VIPR2: variants seen among roughly 807,000 people sequenced by gnomAD.
VIPR2 encodes the protein vasoactive intestinal polypeptide receptor 2.
In VIPR2, 48 loss-of-function variants were observed where a neutral mutation model predicts 58.0. The ratio of observed to expected loss-of-function variants is 0.83; its 90% CI spans 0.66 to 1.05. The LOEUF (loss-of-function observed/expected upper bound fraction) is 1.05, where lower values mean the gene tolerates loss of function less well. Ranked by LOEUF, VIPR2 falls within the 50% of genes least tolerant of loss-of-function variation. VIPR2 has a pLI of 0.00. For synonymous variants in VIPR2, 243 were observed against 235.2 expected (o/e 1.03, Z -0.30); for missense variants, 534 against 558.0 (o/e 0.96, Z 0.43).
intron 4 of VIPR2, among the ~76,000 whole-genome samples, chr7:159,062,315 T>G (rs1855731390): frequency 6.6e-6 from 1 of 152,084 alleles, no homozygotes; most frequent in South Asian, 2.1e-4. Context: ...AATTCGTGGG[T>G]TTTTGGTCTC....
chr7:159,142,257 G>T (rs1018226041), intron 2 of VIPR2, among the ~76,000 whole-genome samples, 189 bp downstream of exon 2: 1 of 152,104 alleles, frequency 6.6e-6, no homozygotes, highest in Non-Finnish European at 1.5e-5. Context: ...AAAGGTGTGT[G>T]TGAAGACCCT....
At chr7:159,094,729 G>T (rs1010834894) in intron 4 of VIPR2, among the ~76,000 whole-genome samples, 1 of 152,214 alleles carries the variant, frequency 6.6e-6, no homozygotes, top group African/African-American at 2.4e-5. Context: ...ACTCCATGCC[G>T]TGCCACACAC....
rs1479400051 is a variant in VIPR2 at position 159,031,636 on chromosome 7, G to A, written c.1143+192C>T. 1.0e-6 allele frequency: 1 copy of A among 985,326 alleles called. No individual in the cohort carries two copies. The highest frequency in any genetic ancestry group is 1.2e-6 in the Non-Finnish European group (1 of 829,946). The allele number at this position is 985,326 out of a possible 1,614,324, so 61.0% of individuals were successfully genotyped here. On this transcript the variant is annotated intron_variant, in intron 12 of 12. Coordinates refer to ENST00000262178, the MANE Select transcript of VIPR2 (RefSeq NM_003382.5). The surrounding 1 kb of genome is among the most constrained non-coding windows in gnomAD (Gnocchi z 4.0). ...GACGGAAGGACGGCGGGGTTTGGAAGCTGGGCCCAGAAGAGTGGGTTTGCC... is the reference window on the plus strand; with the variant it reads ...GACGGAAGGACGGCGGGGTTTGGAAACTGGGCCCAGAAGAGTGGGTTTGCC...
intron 2 of VIPR2, among the ~76,000 whole-genome samples, chr7:159,114,856 G>A (rs568989218): frequency 9.2e-5 from 14 of 151,886 alleles, no homozygotes; most frequent in South Asian, 2.1e-4. Flanking sequence ...GGGAGGGAGC[G>A]GGGAGGGAAG....
Position 159,139,755 on chromosome 7 carries a change from C to A in VIPR2, c.151+2691G>T, listed in dbSNP as rs539301095. Among the ~76,000 whole-genome samples the A allele has an allele frequency of 8.5e-5, 13 of 152,346 alleles. No homozygotes were observed. The South Asian group carries it at 2.7e-3, about 32-fold the overall frequency. On this transcript the variant is annotated intron_variant, in intron 2 of 12. Coordinates refer to ENST00000262178, the MANE Select transcript of VIPR2 (RefSeq NM_003382.5). Reference sequence around the variant, plus strand: ...CTGCTTCTCCCCAGAGGAGGTCACACCCCTCCAGACGCGGGTGTAAGAATG... The same window carrying A: ...CTGCTTCTCCCCAGAGGAGGTCACAACCCTCCAGACGCGGGTGTAAGAATG...
chr7:159,038,171 G>C (rs1854091225), intron 6 of VIPR2, among the ~76,000 whole-genome samples: 1 of 152,102 alleles, frequency 6.6e-6, no homozygotes, highest in Non-Finnish European at 1.5e-5. Flanking sequence ...GAGCCCTGCA[G>C]GCTGTCCCTG....
rs747914292 is a variant in VIPR2 at position 159,135,004 on chromosome 7, G to GTTTTTTTTT, written c.151+7433_151+7441dup. On this transcript the variant is annotated intron_variant, in intron 2 of 12. Transcript: ENST00000262178. ...TATTGGTCTTCTCTTAATTACAAAA[G>GTTTTTTTTT]TTTTTTTTTTTTTTTTTTTTTTTTT... Among the ~76,000 whole-genome samples the GTTTTTTTTT allele has an allele frequency of 6.4e-3, 418 of 65,826 alleles. 22 individuals are homozygous for GTTTTTTTTT. The highest frequency in any genetic ancestry group is 0.023 in the African/African-American group (346 of 15,266). The allele number at this position is 65,826 out of a possible 152,430, so 43.2% of individuals were successfully genotyped here. A position where few individuals can be genotyped will look rare whatever the true frequency, so the allele number is the denominator to read the frequency against.
At chr7:159,056,160 T>C (rs1023914319) in intron 5 of VIPR2, among the ~76,000 whole-genome samples, 6 of 152,174 alleles carry the variant, frequency 3.9e-5, no homozygotes, top group African/African-American at 1.4e-4. Context: ...GTAAAGTACT[T>C]GACACGGTGC....
chr7:159,038,006 A>G (rs1854079786), intron 6 of VIPR2, among the ~76,000 whole-genome samples: 3 of 152,230 alleles, frequency 2.0e-5, no homozygotes, highest in Non-Finnish European at 4.4e-5. Context: ...CCTACATATA[A>G]CAGATGGCTA....
intron 5 of VIPR2, among the ~76,000 whole-genome samples, chr7:159,050,928 CT>C (rs1445013022): frequency 6.6e-6 from 1 of 152,250 alleles, no homozygotes; most frequent in African/African-American, 2.4e-5. Flanking sequence ...TGGCAGCTGA[CT>C]TTTCAGAAGA....
At chr7:159,112,313 C>T (rs1585524120) in intron 2 of VIPR2, among the ~76,000 whole-genome samples, 1 of 152,208 alleles carries the variant, frequency 6.6e-6, no homozygotes, top group Non-Finnish European at 1.5e-5. Context: ...GACTCGAGGG[C>T]GTCAGGGCGC....
chr7:159,096,753 T>C lies in VIPR2; in HGVS notation c.357+7004A>G. On this transcript the variant is annotated intron_variant, in intron 4 of 12. Transcript: ENST00000262178. This position sits in a 1 kb window ranked among gnomAD's most constrained non-coding sequence, Gnocchi z 5.5. ...AGGTGACAGCTGAATGATTTCTGCCTGTGGCCAGATTTCTGCCCCTGCCTG... is the reference window on the plus strand; with the variant it reads ...AGGTGACAGCTGAATGATTTCTGCCCGTGGCCAGATTTCTGCCCCTGCCTG... 1 of 1,402,198 alleles carries C rather than the reference T, an allele frequency of 7.1e-7. No individual in the cohort carries two copies. Among genetic ancestry groups the C allele is most frequent in the Non-Finnish European group, 9.3e-7 (1 of 1,074,686 alleles). 86.9% of individuals were successfully genotyped at this position (1,402,198 alleles called of 1,614,324 possible).
chr7:159,106,470 C>A (rs1233712030), intron 3 of VIPR2, among the ~76,000 whole-genome samples: 1 of 117,218 alleles, frequency 8.5e-6, no homozygotes, highest in African/African-American at 3.4e-5. Flanking sequence ...AGAGAGAGGC[C>A]AGGAAGGGGC....
At chr7:159,105,895 G>T (rs1286206502) in intron 3 of VIPR2, among the ~76,000 whole-genome samples, 1 of 152,214 alleles carries the variant, frequency 6.6e-6, no homozygotes, top group African/African-American at 2.4e-5. Context: ...TGTGGTAGTG[G>T]CCACTACGAC....
chr7:159,112,388 G>A (rs1796049817), intron 2 of VIPR2, among the ~76,000 whole-genome samples: 3 of 152,238 alleles, frequency 2.0e-5, no homozygotes, highest in Admixed American at 2.0e-4. Context: ...CACAGTGCCG[G>A]TCGCACACGT....
intron 2 of VIPR2, among the ~76,000 whole-genome samples, chr7:159,140,936 C>CTT (rs11386700): frequency 8.0e-5 from 12 of 149,680 alleles, no homozygotes; most frequent in African/African-American, 1.7e-4. Flanking sequence ...CCCTCAAAAT[C>CTT]TTTTTTTTTT....
chr7:159,036,619 A>C, intron 7 of VIPR2, 133 bp downstream of exon 7: 4 of 1,157,964 alleles, frequency 3.5e-6, no homozygotes, highest in African/African-American at 1.6e-5. Context: ...TCATCCTGGA[A>C]GAGCTCTTCA....
chr7:159,061,900 A>T (rs1014943068), intron 4 of VIPR2, among the ~76,000 whole-genome samples: 1 of 152,104 alleles, frequency 6.6e-6, no homozygotes, highest in Non-Finnish European at 1.5e-5. Context: ...TAGCGGGAGA[A>T]GCCTGCCGCT....
At position 159,096,384 on chromosome 7, in the gene VIPR2, G is replaced by T. The variant is rs771893424; in HGVS notation, c.357+7373C>A. 1.3e-5 allele frequency among the ~76,000 whole-genome samples: 2 copies of T among 152,210 alleles called. No homozygotes were observed. Among genetic ancestry groups the T allele is most frequent in the Admixed American group, 6.5e-5 (1 of 15,286 alleles). ...CCAGAAGCGCCTGGCGCACCGCTGT[G>T]TTTCCTACAGGTCCGCTGCCCTGTG... On this transcript the variant is annotated intron_variant, in intron 4 of 12. Transcript: ENST00000262178. This position sits in a 1 kb window ranked among gnomAD's most constrained non-coding sequence, Gnocchi z 5.5.
Sources: gnomAD v4.1 joint callset for allele counts (sites outside exome capture counted in the v4.1 genomes callset) on GRCh38, gnomAD v4.1.1 for gene constraint, Gnocchi (gnomAD v3.1) non-coding constraint, MANE v1.5 for transcripts, NCBI Gene and HGNC (gene_info 2026-07-23, HGNC 2026-07-21) for gene names.